Variants in RBM6 observed in about 807,000 individuals in gnomAD.
The protein encoded by RBM6 is RNA-binding protein 6.
A neutral mutation model predicts 140.4 loss-of-function variants in RBM6; 23 were observed. The ratio of observed to expected loss-of-function variants is 0.16; its 90% confidence interval spans 0.12 to 0.23. RBM6 has a LOEUF of 0.23. Ranked by LOEUF, RBM6 falls within the 10% of genes least tolerant of loss-of-function variation. RBM6 has a pLI of 1.00. For missense variants in RBM6, 1,139 were observed against 1,386.7 expected, an observed-to-expected ratio of 0.82 and a Z score of 2.84; for synonymous variants, 439 against 475.6, an observed-to-expected ratio of 0.92 and a Z score of 1.00.
chr3:49,979,879 G>A (rs775221786), intron 5 of RBM6, among the ~76,000 whole-genome samples: 12 of 152,124 alleles, frequency 7.9e-5, no homozygotes, highest in South Asian at 4.1e-4. Context: ...ACTATAAAGC[G>A]GAAGCATGAG....
intron 5 of RBM6, among the ~76,000 whole-genome samples, chr3:49,977,507 T>G (rs921125201): frequency 6.6e-6 from 1 of 152,210 alleles, no homozygotes; most frequent in Admixed American, 6.5e-5. Context: ...AATCTGTCAG[T>G]GGTATTGGAT....
At chr3:49,953,732 C>T (rs529226341) in intron 1 of RBM6, among the ~76,000 whole-genome samples, 1 of 151,536 alleles carries the variant, frequency 6.6e-6, no homozygotes, top group African/African-American at 2.4e-5. Context: ...GTTGGCCTAC[C>T]TGGTCTTGAA....
intron 5 of RBM6, among the ~76,000 whole-genome samples, chr3:49,985,866 A>G (rs914532165): frequency 2.0e-5 from 3 of 152,076 alleles, no homozygotes; most frequent in African/African-American, 7.2e-5. Flanking sequence ...TCGGCCTCCC[A>G]AAGTGCTGGG....
intron 18 of RBM6, among the ~76,000 whole-genome samples, chr3:50,069,427 T>G (rs969138533): frequency 6.7e-6 from 1 of 149,236 alleles, no homozygotes; most frequent in Non-Finnish European, 1.5e-5. Context: ...GAGGATCGCA[T>G]GAGCTGGGAG....
chr3:49,944,210 C>G (rs2083397078), intron 1 of RBM6, among the ~76,000 whole-genome samples: 1 of 152,142 alleles, frequency 6.6e-6, no homozygotes, highest in Non-Finnish European at 1.5e-5. Context: ...ATGAATTTGA[C>G]TACTCTAGGT....
intron 1 of RBM6, among the ~76,000 whole-genome samples, chr3:49,958,784 T>C (rs1373131609): frequency 7.0e-6 from 1 of 142,176 alleles, no homozygotes; most frequent in Non-Finnish European, 1.5e-5. Flanking sequence ...AAGAATTCCT[T>C]TTTTTTTTTT....
At chr3:49,946,993 A>C (rs1456122847) in intron 1 of RBM6, among the ~76,000 whole-genome samples, 2 of 150,050 alleles carry the variant, frequency 1.3e-5, no homozygotes, top group Non-Finnish European at 3.0e-5. Context: ...CTTTTGGAGA[A>C]GTATCTATTC....
intron 1 of RBM6, among the ~76,000 whole-genome samples, chr3:49,955,850 C>G (rs1203566801): frequency 3.0e-5 from 4 of 133,554 alleles, no homozygotes; most frequent in Non-Finnish European, 6.8e-5. Flanking sequence ...CTGTGTCTCT[C>G]TCTCTCTCTC....
intron 17 of RBM6, among the ~76,000 whole-genome samples, chr3:50,067,602 A>G (rs2090162618): frequency 6.6e-6 from 1 of 152,218 alleles, no homozygotes; most frequent in South Asian, 2.1e-4. Flanking sequence ...GAATATTGTT[A>G]TGAGCCACAG....
At chr3:50,017,327 G>A (rs2087217528) in intron 6 of RBM6, among the ~76,000 whole-genome samples, 1 of 152,104 alleles carries the variant, frequency 6.6e-6, no homozygotes, top group African/African-American at 2.4e-5. Context: ...GGAGGCCGAG[G>A]CGGGTGGATC....
At position 50,057,784 on chromosome 3, in the gene RBM6, C is replaced by G; in HGVS notation, c.1750C>G (p.Pro584Ala). ...CCCTCAGCCTCAGAAAACATCCATA[C>G]CAGCACCATTGGAAAAACAGCCCAA... is the stretch of plus-strand genomic sequence containing the variant. ...TYPQPQKTSI[P>A]APLEKQPNQP... Residue 584 changes from proline (P) to alanine (A), a missense_variant, in exon 9 of 21, where the codon CCA becomes GCA. Coordinates refer to ENST00000266022, the MANE Select transcript of RBM6 (RefSeq NM_005777.3). 6.2e-7 allele frequency: 1 copy of G among 1,613,210 alleles called. No individual in the cohort carries two copies. The highest frequency in any genetic ancestry group is 8.5e-7 in the Non-Finnish European group (1 of 1,179,840).
In RBM6 at chr3:49,968,647, G is replaced by T. The variant is rs1329954280; in HGVS notation, c.1222G>T (p.Asp408Tyr). The change falls in exon 3 of 21, where the codon GAT becomes TAT. Residue 408 changes from aspartate to tyrosine, a missense_variant. Around this residue, in one of 9 missense-constraint regions of RBM6, gnomAD observed 566 missense variants for 612.7 expected, o/e 0.92. Coordinates refer to ENST00000266022, the MANE Select transcript of RBM6 (RefSeq NM_005777.3). ...DTDYRSMEYRDVDHRLPGSQM... is the reference protein window; with the variant it reads ...DTDYRSMEYRYVDHRLPGSQM... ...CGATTACAGAAGCATGGAGTACCGTGATGTGGATCATAGGCTGCCAGGAAG... is the reference window on the plus strand; with the variant it reads ...CGATTACAGAAGCATGGAGTACCGTTATGTGGATCATAGGCTGCCAGGAAG... The T allele has an allele frequency of 1.2e-6, 2 of 1,614,122 alleles. No individual in the cohort carries two copies. The highest frequency in any genetic ancestry group is 2.2e-5 in the South Asian group (2 of 91,080).
rs1242903062 is a variant in RBM6, at chr3:49,967,635, G to A, written c.210G>A (p.Glu70=). 3.1e-6 allele frequency: 5 copies of A among 1,614,016 alleles called. No individual in the cohort carries two copies. The highest frequency in any genetic ancestry group is 4.2e-6 in the Non-Finnish European group (5 of 1,180,054). ...HSGPPFANVE[E]HSFSYGARDG... ...GGCCTCCTTTTGCAAATGTAGAGGA[G>A]CATTCTTTCAGCTATGGAGCTAGAG... The change falls in exon 3 of 21, where the codon GAG becomes GAA. Residue 70 remains glutamate (E), a synonymous_variant. Transcript: ENST00000266022. This position sits in a 1 kb window ranked among gnomAD's most constrained non-coding sequence, Gnocchi z 4.0.
rs564101529 is a variant in RBM6, at chr3:49,968,073, G to A, written c.648G>A (p.Arg216=). 6.2e-7 allele frequency: 1 copy of A among 1,614,114 alleles called. No homozygotes were observed. Among genetic ancestry groups the A allele is most frequent in the South Asian group, 1.1e-5 (1 of 91,078 alleles). The stretch of plus-strand genomic sequence containing the variant: ...GAGAACAGTCCCGTTCTGATTTTAG[G>A]AATAGAGATGTATCTGATTTGGACT... ...RAREQSRSDF[R]NRDVSDLDFR... is the part of the protein sequence containing the mutation. Residue 216 remains arginine, a synonymous_variant, in exon 3 of 21, where the codon AGG becomes AGA. Coordinates refer to ENST00000266022, the MANE Select transcript of RBM6 (RefSeq NM_005777.3).
At chr3:49,955,811 G>A (rs2083955369) in intron 1 of RBM6, among the ~76,000 whole-genome samples, 1 of 151,370 alleles carries the variant, frequency 6.6e-6, no homozygotes, top group Admixed American at 6.6e-5. Flanking sequence ...CAGCCTGGGT[G>A]TCAAGCAAAA....
At position 50,070,571 on chromosome 3, in the gene RBM6, A is replaced by C; in HGVS notation, c.3116+19A>C. The C allele has an allele frequency of 6.3e-7, 1 of 1,579,172 alleles. No individual in the cohort carries two copies. The highest frequency in any genetic ancestry group is 1.3e-5 in the African/African-American group (1 of 74,218). ...CTGACAGGTAAGCCAGGAACTCTTCATTCAGCCTAGGCCTCAAGCCTAATG... is the reference window on the plus strand; with the variant it reads ...CTGACAGGTAAGCCAGGAACTCTTCCTTCAGCCTAGGCCTCAAGCCTAATG... On this transcript the variant is annotated intron_variant, in intron 19 of 20. Transcript: ENST00000266022.
In RBM6 at chr3:50,036,565, A is replaced by G. The variant is rs115614769; in HGVS notation, c.1558-11680A>G. 6.1e-3 allele frequency among the ~76,000 whole-genome samples: 927 copies of G among 152,268 alleles called. 10 individuals are homozygous for G. The highest frequency in any genetic ancestry group is 0.021 in the African/African-American group (875 of 41,566). ...GATATTATAGCCATTATATTGTAGCAGCCATGATATTATAGCTCAGTAAAT... is the reference window on the plus strand; with the variant it reads ...GATATTATAGCCATTATATTGTAGCGGCCATGATATTATAGCTCAGTAAAT... On this transcript the variant is annotated intron_variant, in intron 6 of 20. Transcript: ENST00000266022.
rs62263584 is a variant in RBM6, at chr3:50,058,258, A to G, written c.1970-144A>G. 65,445 of 992,480 alleles carry G rather than the reference A, an allele frequency of 0.066. 2,547 individuals carry two copies. The highest frequency in any genetic ancestry group is 0.077 in the Non-Finnish European group (50,822 of 663,560). 61.5% of individuals were successfully genotyped at this position (992,480 alleles called of 1,614,324 possible). A position where few individuals can be genotyped will look rare whatever the true frequency, so the allele number is the denominator to read the frequency against. On this transcript the variant is annotated intron_variant, in intron 9 of 20. Transcript: ENST00000266022. Reference sequence around the variant, plus strand: ...TAAGTATTGGTGAAGAAAAGTATGCAGTATTTATTTGTTTAGCATTTTTTT... The same window carrying G: ...TAAGTATTGGTGAAGAAAAGTATGCGGTATTTATTTGTTTAGCATTTTTTT...
chr3:49,959,108 T>A (rs2108608753), intron 1 of RBM6, among the ~76,000 whole-genome samples: 1 of 151,768 alleles, frequency 6.6e-6, no homozygotes, highest in East Asian at 2.0e-4. Flanking sequence ...AATTCCCTTT[T>A]AGCATTTCTT....
Sources: allele counts gnomAD v4.1 joint callset (sites outside exome capture counted in the v4.1 genomes callset), GRCh38; gene constraint gnomAD v4.1.1; regional missense constraint gnomAD v4.1.1; non-coding constraint Gnocchi (gnomAD v3.1); transcripts MANE v1.5; gene names NCBI Gene and HGNC (gene_info 2026-07-23, HGNC 2026-07-21).